TTL: variants seen among roughly 807,000 people sequenced by gnomAD.
TTL encodes tubulin--tyrosine ligase.
Under a neutral mutation model 41.1 loss-of-function variants are expected in TTL, and 10 were observed. That is an observed-to-expected ratio of 0.24 (90% CI 0.15 to 0.41). The LOEUF is 0.41. Among genes scored for constraint, TTL ranks in the 10% least tolerant of loss-of-function variants. TTL has a pLI of 1.00. For synonymous variants in TTL, 175 were observed against 175.5 expected, an observed-to-expected ratio of 1.00 and a Z score of 0.02; for missense variants, 367 against 460.4, an observed-to-expected ratio of 0.80 and a Z score of 1.86.
chr2:112,488,646 T>C (rs1275410968), intron 2 of TTL, among the ~76,000 whole-genome samples: 2 of 151,888 alleles, frequency 1.3e-5, no homozygotes, highest in African/African-American at 4.8e-5. Flanking sequence ...TAATCCCAGC[T>C]GCTCGGGAGG....
chr2:112,513,624 T>C (rs1574066992), intron 5 of TTL, among the ~76,000 whole-genome samples: 2 of 148,182 alleles, frequency 1.3e-5, no homozygotes, highest in Non-Finnish European at 1.5e-5. Context: ...TATAAATATT[T>C]ATACAAGTAT....
chr2:112,490,904 A>T (rs1382211569), intron 2 of TTL, among the ~76,000 whole-genome samples: 1 of 152,074 alleles, frequency 6.6e-6, no homozygotes, highest in Non-Finnish European at 1.5e-5. Flanking sequence ...ACCTAACTGA[A>T]GTCCTATCTG....
At chr2:112,495,676 T>C (rs1462097967) in intron 3 of TTL, among the ~76,000 whole-genome samples, 6 of 152,050 alleles carry the variant, frequency 3.9e-5, no homozygotes, top group Non-Finnish European at 8.8e-5. Context: ...TGAAACCCCG[T>C]CTCTACTAAA....
At chr2:112,497,948 T>C (rs1681580596) in intron 3 of TTL, among the ~76,000 whole-genome samples, 2 of 152,256 alleles carry the variant, frequency 1.3e-5, no homozygotes, top group Admixed American at 6.5e-5. Context: ...TCAGCCATGT[T>C]ACGGGATATG....
intron 6 of TTL, among the ~76,000 whole-genome samples, chr2:112,526,659 C>T (rs1255711428): frequency 6.6e-6 from 1 of 152,112 alleles, no homozygotes; most frequent in Non-Finnish European, 1.5e-5. Context: ...TTTATTGCGT[C>T]TATTTGATTC....
intron 5 of TTL, among the ~76,000 whole-genome samples, chr2:112,512,730 T>G (rs1291273635): frequency 1.3e-5 from 2 of 152,210 alleles, no homozygotes; most frequent in African/African-American, 2.4e-5. Context: ...ATGATAATCA[T>G]TGTCATTTAA....
chr2:112,526,887 C>G (rs1682387757), intron 6 of TTL, among the ~76,000 whole-genome samples: 1 of 152,150 alleles, frequency 6.6e-6, no homozygotes, highest in African/African-American at 2.4e-5. Flanking sequence ...GTTAGGGTAT[C>G]AATTTTAGAT....
chr2:112,520,435 C>T lies in TTL; in HGVS notation c.1019+10C>T. On this transcript the variant is annotated intron_variant, in intron 6 of 6. Coordinates refer to ENST00000233336, the MANE Select transcript of TTL (RefSeq NM_153712.5). ...CCCCTGCATGTGCTCAGTAAGCCTGCACGTCATTGTGTTTTTACAAGTGGG... is the reference window on the plus strand; with the variant it reads ...CCCCTGCATGTGCTCAGTAAGCCTGTACGTCATTGTGTTTTTACAAGTGGG... 6.2e-7 allele frequency: 1 copy of T among 1,611,870 alleles called. No homozygotes were observed. Among genetic ancestry groups the T allele is most frequent in the Non-Finnish European group, 8.5e-7 (1 of 1,178,690 alleles).
intron 5 of TTL, among the ~76,000 whole-genome samples, chr2:112,503,403 G>GTGTATATATA (rs376486813): frequency 4.9e-5 from 7 of 143,442 alleles, no homozygotes; most frequent in East Asian, 2.0e-4. Flanking sequence ...GTGTGTGTGT[G>GTGTATATATA]TATATATATA....
In TTL at chr2:112,523,581, G is replaced by T. The variant is rs997638872; in HGVS notation, c.1019+3156G>T. Among the ~76,000 whole-genome samples the T allele has an allele frequency of 5.3e-5, 8 of 152,042 alleles. No individual in the cohort carries two copies. In the East Asian group the frequency reaches 1.4e-3, roughly 26 times the overall value. ...GTGTCCCTTCAATTATGCTGAGTTGGTCCTTTTCCTGGGTAGGGCCTGCCC... is the reference window on the plus strand; with the variant it reads ...GTGTCCCTTCAATTATGCTGAGTTGTTCCTTTTCCTGGGTAGGGCCTGCCC... On this transcript the variant is annotated intron_variant, in intron 6 of 6. Coordinates refer to ENST00000233336, the MANE Select transcript of TTL (RefSeq NM_153712.5).
intron 2 of TTL, among the ~76,000 whole-genome samples, chr2:112,491,240 C>G (rs1396480864): frequency 1.3e-5 from 2 of 152,206 alleles, no homozygotes; most frequent in Non-Finnish European, 2.9e-5. Flanking sequence ...ATCCGCCTGC[C>G]TCAGCCTCCC....
At chr2:112,499,992 A>G (rs1401881913) in intron 3 of TTL, among the ~76,000 whole-genome samples, 1 of 152,246 alleles carries the variant, frequency 6.6e-6, no homozygotes, top group Non-Finnish European at 1.5e-5. Context: ...ACGTCCATCA[A>G]TTGATGACTA....
chr2:112,485,790 GT>G (rs1681224292), intron 1 of TTL, 126 bp from the exon 2 acceptor site: 1 of 851,870 alleles, frequency 1.2e-6, no homozygotes, highest in Admixed American at 2.4e-5. Flanking sequence ...AAACAAAATT[GT>G]TCCATTTTCC....
In TTL at chr2:112,539,033, CTT is replaced by C. The variant is rs1302534793; in HGVS notation, c.*10239_*10240del. ...TCAGGAGGCTGAAGCAGGGGAATCA[CTT>C]GAACCTGGAAGGCGGAGGTTGCAGT... On this transcript the variant is annotated 3_prime_UTR_variant, in exon 7 of 7. Coordinates refer to ENST00000233336, the MANE Select transcript of TTL (RefSeq NM_153712.5). 6.7e-6 allele frequency: 1 copy of C among 149,478 alleles called. No homozygotes were observed. Among genetic ancestry groups the C allele is most frequent in the East Asian group, 2.0e-4 (1 of 5,080 alleles). The allele number at this position is 149,478 out of a possible 1,614,324, so 9.3% of individuals were successfully genotyped here. A position where few individuals can be genotyped will look rare whatever the true frequency, so the allele number is the denominator to read the frequency against.
rs1574076728 is a variant in TTL at position 112,531,903 on chromosome 2, A to G, written c.*3108A>G. The G allele has an allele frequency of 9.0e-6, 2 of 222,808 alleles. No homozygotes were observed. The highest frequency in any genetic ancestry group is 1.3e-4 in the East Asian group (2 of 15,230). 13.8% of individuals were successfully genotyped at this position (222,808 alleles called of 1,614,324 possible). On this transcript the variant is annotated 3_prime_UTR_variant, in exon 7 of 7. Coordinates refer to ENST00000233336, the MANE Select transcript of TTL (RefSeq NM_153712.5). ...AGACACGAAATTATAAATCTGCTAAATATGTATTAAGGGTATTAATTATTG... is the reference window on the plus strand; with the variant it reads ...AGACACGAAATTATAAATCTGCTAAGTATGTATTAAGGGTATTAATTATTG...
chr2:112,511,177 T>C (rs1427875115), intron 5 of TTL, among the ~76,000 whole-genome samples: 1 of 151,940 alleles, frequency 6.6e-6, no homozygotes, highest in Admixed American at 6.6e-5. Context: ...CACCTGATTT[T>C]TGTATTTTTT....
chr2:112,534,933 G>T lies in TTL; in HGVS notation c.*6138G>T. ...AGAGGCAGAAGGAGGGAAAGAGGGA[G>T]GGAGGAAAGGTAGGAAGGGGAGAAA... On this transcript the variant is annotated 3_prime_UTR_variant, in exon 7 of 7. Transcript: ENST00000233336. 6.6e-6 allele frequency: 1 copy of T among 151,312 alleles called. No homozygotes were observed. 9.4% of individuals were successfully genotyped at this position (151,312 alleles called of 1,614,324 possible). A position where few individuals can be genotyped will look rare whatever the true frequency, so the allele number is the denominator to read the frequency against.
intron 6 of TTL, chr2:112,521,466 A>G (rs1234324561): frequency 1.6e-6 from 1 of 622,864 alleles, no homozygotes; most frequent in Non-Finnish European, 2.0e-6. Context: ...CGTGGTTCCC[A>G]TCTACATCTT....
chr2:112,516,236 A>T (rs762333388), intron 5 of TTL, among the ~76,000 whole-genome samples: 1 of 152,176 alleles, frequency 6.6e-6, no homozygotes, highest in Non-Finnish European at 1.5e-5. Context: ...TAGTTGGTAG[A>T]CATCTGGGTT....
Sources: gnomAD v4.1 joint callset for allele counts (sites outside exome capture counted in the v4.1 genomes callset) on GRCh38, gnomAD v4.1.1 for gene constraint, MANE v1.5 for transcripts, NCBI Gene and HGNC (gene_info 2026-07-23, HGNC 2026-07-21) for gene names.